TMEM214: variants seen among roughly 807,000 people sequenced by gnomAD.
The protein encoded by TMEM214 is transmembrane protein 214.
A neutral mutation model predicts 89.8 loss-of-function variants in TMEM214; 71 were observed. The ratio of observed to expected loss-of-function variants is 0.79; its 90% CI spans 0.65 to 0.96. The LOEUF (loss-of-function observed/expected upper bound fraction) is 0.96, where lower values mean the gene tolerates loss of function less well. Among genes scored for constraint, TMEM214 ranks in the 40% least tolerant of loss-of-function variants. The probability of loss-of-function intolerance (pLI) is 0.00; values close to 1 mark genes in which losing one functional copy is unlikely to be tolerated. For synonymous variants in TMEM214, 332 were observed against 349.5 expected (o/e 0.95, Z 0.56); for missense variants, 754 against 843.4 (o/e 0.89, Z 1.31).
chr2:27,033,106 G>A lies in TMEM214; in HGVS notation c.91G>A (p.Gly31Ser), dbSNP rs368291134. The A allele has an allele frequency of 4.4e-4, 554 of 1,248,390 alleles. 4 individuals are homozygous for A. In the African/African-American group the frequency reaches 7.9e-3, roughly 18 times the overall value. The allele number at this position is 1,248,390 out of a possible 1,614,324, so 77.3% of individuals were successfully genotyped here. ...CGGCGCCGGCGCCGGCGGCCGAGGA[G>A]GCGGCAGGAACCGCAGGGCGCTCGG... ...GVGAGAGGRG[G>S]GRNRRALGEA... The change falls in exon 1 of 17, where the codon GGC becomes AGC. Residue 31 changes from glycine to serine, a missense_variant. Gly to Ser is a moderately conservative substitution (Grantham distance 56, BLOSUM62 0). Coordinates refer to ENST00000238788, the MANE Select transcript of TMEM214 (RefSeq NM_017727.5).
chr2:27,035,206 G>A lies in TMEM214; in HGVS notation c.423G>A (p.Trp141Ter). The A allele has an allele frequency of 1.2e-6, 2 of 1,614,176 alleles. No homozygotes were observed. The highest frequency in any genetic ancestry group is 1.1e-5 in the South Asian group (1 of 91,076). The change falls in exon 3 of 17, where the codon TGG (tryptophan) becomes TGA (stop). Residue 141 changes from tryptophan (W) to a stop codon, truncating the protein, a stop_gained. Coordinates refer to ENST00000238788, the MANE Select transcript of TMEM214 (RefSeq NM_017727.5). LOFTEE classifies it high-confidence loss of function. ...TGTTCTCTGGAAACCCATCCATATG[G>A]TTGAAGGACCTGGCCAGCTATCTCA... ...QSVFSGNPSI[W>*]LKDLASYLNY...
rs1463048972 is a variant in TMEM214, at chr2:27,037,499, A to G, written c.1011-62A>G. The G allele has an allele frequency of 1.9e-6, 3 of 1,604,212 alleles. No individual in the cohort carries two copies. The Admixed American group carries it at 5.0e-5, about 27-fold the overall frequency. ...AGGCATGGGCTCTGAAGCAAGCAAA[A>G]GGTTCATATCATACAGCTCCACTTA... On this transcript the variant is annotated intron_variant, in intron 8 of 16. Coordinates refer to ENST00000238788, the MANE Select transcript of TMEM214 (RefSeq NM_017727.5).
intron 1 of TMEM214, 36 bp from the exon 2 acceptor site, chr2:27,034,031 G>A (rs1667442405): frequency 6.2e-7 from 1 of 1,611,390 alleles, no homozygotes. Context: ...GGGGACTCAA[G>A]GGTGGCCTGC....
At chr2:27,036,877 G>A (rs779374746) in intron 7 of TMEM214, 91 bp downstream of exon 7, 14 of 1,369,402 alleles carry the variant, frequency 1.0e-5, no homozygotes, top group Non-Finnish European at 1.5e-5. Flanking sequence ...GGTCTCCATG[G>A]ATATGAGGAA....
rs973310989 is a variant in TMEM214, at chr2:27,040,696, C to G, written c.1944-15C>G. On this transcript the variant is annotated splice_polypyrimidine_tract_variant and intron_variant, in intron 16 of 16. Coordinates refer to ENST00000238788, the MANE Select transcript of TMEM214 (RefSeq NM_017727.5). ...ACTCACGTGCATACTCAAAAATGTT[C>G]CACTTTCCTTCCAGAGGTGAGGTGA... The G allele has an allele frequency of 6.8e-6, 11 of 1,613,060 alleles. No individual in the cohort carries two copies. The highest frequency in any genetic ancestry group is 8.5e-6 in the Non-Finnish European group (10 of 1,179,748).
chr2:27,035,972 G>T lies in TMEM214; in HGVS notation c.640G>T (p.Glu214Ter), dbSNP rs367766864. ...TGTGAGAATGTGTATCTCTCCAGGG[G>T]AGTCACTACATGGTTACCGCATCTG... is the stretch of plus-strand genomic sequence containing the variant. ...MLQELDKTPG[E>*]SLHGYRICIQ... is the part of the protein sequence containing the mutation. The change falls in exon 5 of 17, where the codon GAG (glutamate) becomes TAG (stop). Residue 214 changes from glutamate (E) to a stop codon, truncating the protein, a stop_gained and splice_region_variant. Transcript: ENST00000238788. LOFTEE classifies it high-confidence loss of function. 3 of 1,614,122 alleles carry T rather than the reference G, an allele frequency of 1.9e-6. No homozygotes were observed. The highest frequency in any genetic ancestry group is 1.7e-6 in the Non-Finnish European group (2 of 1,180,002).
chr2:27,041,119 C>A lies in TMEM214; in HGVS notation c.*282C>A. 2.6e-6 allele frequency: 1 copy of A among 379,452 alleles called. No homozygotes were observed. Among genetic ancestry groups the A allele is most frequent in the African/African-American group, 2.0e-5 (1 of 49,594 alleles). The allele number at this position is 379,452 out of a possible 1,614,324, so 23.5% of individuals were successfully genotyped here. On this transcript the variant is annotated 3_prime_UTR_variant, in exon 17 of 17. Transcript: ENST00000238788. ...GCTGGTAGCCTCTCACAACTCCGCC[C>A]TTGCCCTCTGCCTTCCACTTCCTTC...
Position 27,039,754 on chromosome 2 carries a change from CCGGTTGCTT to C in TMEM214, c.1542_1550del (p.Leu515_Arg517del). On this transcript the variant is annotated inframe_deletion, in exon 14 of 17. Transcript: ENST00000238788. ...CCCTTTACTTAGCCTCCCTTACTGG[CCGGTTGCTT>C]CGATCATCTGGCTTCTTACCTGCTA... is the stretch of plus-strand genomic sequence containing the variant. The C allele has an allele frequency of 6.2e-7, 1 of 1,614,198 alleles. No individual in the cohort carries two copies. The highest frequency in any genetic ancestry group is 8.5e-7 in the Non-Finnish European group (1 of 1,180,018).
chr2:27,040,174 CAG>C lies in TMEM214; in HGVS notation c.1768_1769del (p.Leu591HisfsTer43). The part of the protein sequence containing the change: ...CASHLAWFGD[S>X]LTSLSQRLQI... Reference sequence around the variant, plus strand: ...CCTCTCACCTTGCGTGGTTTGGTGACAGTCTCACCAGTCTCTCTCAGAGGGTA... The same window carrying C: ...CCTCTCACCTTGCGTGGTTTGGTGACTCTCACCAGTCTCTCTCAGAGGGTA... On this transcript the variant is annotated frameshift_variant, in exon 15 of 17. Coordinates refer to ENST00000238788, the MANE Select transcript of TMEM214 (RefSeq NM_017727.5). LOFTEE classifies it high-confidence loss of function. 6.2e-7 allele frequency: 1 copy of C among 1,605,900 alleles called. No individual in the cohort carries two copies. The highest frequency in any genetic ancestry group is 8.5e-7 in the Non-Finnish European group (1 of 1,179,982).
chr2:27,041,088 C>A lies in TMEM214; in HGVS notation c.*251C>A, dbSNP rs1416266509. ...ACTGCACATGGCCCCCAGCCTCCAT[C>A]CTTGTGCTGGTAGCCTCTCACAACT... On this transcript the variant is annotated 3_prime_UTR_variant, in exon 17 of 17. Transcript: ENST00000238788. 1.1e-5 allele frequency: 5 copies of A among 464,028 alleles called. No homozygotes were observed. The highest frequency in any genetic ancestry group is 1.9e-5 in the African/African-American group (1 of 51,512). The allele number at this position is 464,028 out of a possible 1,614,324, so 28.7% of individuals were successfully genotyped here. A position where few individuals can be genotyped will look rare whatever the true frequency, so the allele number is the denominator to read the frequency against.
intron 13 of TMEM214, 66 bp downstream of exon 13, chr2:27,039,230 C>T (rs1667710787): frequency 1.5e-6 from 2 of 1,325,746 alleles, no homozygotes; most frequent in Non-Finnish European, 2.1e-6. Flanking sequence ...GTAGCACCAC[C>T]ACCCCGCCCC....
rs1417400731 is a variant in TMEM214 at position 27,038,176 on chromosome 2, G to A, written c.1183G>A (p.Val395Met). The A allele has an allele frequency of 6.2e-7, 1 of 1,614,174 alleles. No individual in the cohort carries two copies. The part of the protein sequence containing the change: ...LLSSLTECLT[V>M]DPLSASVWRQ... ...GAGCAGCCTGACTGAGTGCCTGACGGTGGACCCCCTCAGTGCCAGCGTCTG... is the reference window on the plus strand; with the variant it reads ...GAGCAGCCTGACTGAGTGCCTGACGATGGACCCCCTCAGTGCCAGCGTCTG... Residue 395 changes from valine (V) to methionine (M), a missense_variant, in exon 10 of 17, where the codon GTG becomes ATG. Transcript: ENST00000238788. This position sits in a 1 kb window ranked among gnomAD's most constrained non-coding sequence, Gnocchi z 4.4.
intron 5 of TMEM214, 100 bp downstream of exon 5, chr2:27,036,152 G>C: frequency 9.6e-7 from 1 of 1,044,076 alleles, no homozygotes. Context: ...TGGAAGACCT[G>C]TAAGCCTAGT....
intron 3 of TMEM214, 101 bp from the exon 4 acceptor site, chr2:27,035,493 G>A (rs1667515259): frequency 2.6e-6 from 4 of 1,534,062 alleles, no homozygotes; most frequent in Non-Finnish European, 3.5e-6. Flanking sequence ...CTCAGTGCAG[G>A]GGCCTTTGCC....
Position 27,039,785 on chromosome 2 carries a change from G to T in TMEM214, c.1570G>T (p.Ala524Ser), listed in dbSNP as rs1241769447. 6 of 1,614,064 alleles carry T rather than the reference G, an allele frequency of 3.7e-6. No homozygotes were observed. The highest frequency in any genetic ancestry group is 5.1e-6 in the Non-Finnish European group (6 of 1,180,048). Residue 524 changes from alanine to serine, a missense_variant, in exon 14 of 17, where the codon GCT becomes TCT. Transcript: ENST00000238788. The stretch of plus-strand genomic sequence containing the variant: ...GCTTCGATCATCTGGCTTCTTACCT[G>T]CTAGCCAACAAGCGTGTGCCAAGCT... ...RLLRSSGFLPASQQACAKLYS... is the reference protein window; with the variant it reads ...RLLRSSGFLPSSQQACAKLYS...
At chr2:27,033,201 G>A (rs1385491656) in intron 1 of TMEM214, 35 bp downstream of exon 1, 4 of 1,245,978 alleles carry the variant, frequency 3.2e-6, no homozygotes, top group Non-Finnish European at 4.1e-6. Flanking sequence ...CCTACCCCAG[G>A]CCTGTCCGGC....
chr2:27,033,313 C>G (rs1667411958), intron 1 of TMEM214, 147 bp downstream of exon 1: 1 of 810,732 alleles, frequency 1.2e-6, no homozygotes, highest in Non-Finnish European at 1.7e-6. Flanking sequence ...GGGAGGCAGA[C>G]AGCTCCAGGG....
chr2:27,034,579 C>T, intron 2 of TMEM214: 4 of 279,586 alleles, frequency 1.4e-5, no homozygotes, highest in South Asian at 9.8e-5. Flanking sequence ...CTTTCATTTT[C>T]TGTCTTGTCC....
Position 27,039,883 on chromosome 2 carries a change from G to T in TMEM214, c.1622+46G>T, listed in dbSNP as rs550087712. The T allele has an allele frequency of 4.2e-5, 64 of 1,529,880 alleles. No individual in the cohort carries two copies. The South Asian group carries it at 6.0e-4, about 14-fold the overall frequency. The allele number at this position is 1,529,880 out of a possible 1,614,324, so 94.8% of individuals were successfully genotyped here. A position where few individuals can be genotyped will look rare whatever the true frequency, so the allele number is the denominator to read the frequency against. On this transcript the variant is annotated intron_variant, in intron 14 of 16. Transcript: ENST00000238788. Reference sequence around the variant, plus strand: ...GGAGAGGAGAGGCAGAAGAGAGAAGGCCTGGGTGTCAGGGAGGAGGCGACA... The same window carrying T: ...GGAGAGGAGAGGCAGAAGAGAGAAGTCCTGGGTGTCAGGGAGGAGGCGACA...
Sources: allele counts gnomAD v4.1 joint callset, GRCh38; gene constraint gnomAD v4.1.1; non-coding constraint Gnocchi (gnomAD v3.1); transcripts MANE v1.5; gene names NCBI Gene and HGNC (gene_info 2026-07-23, HGNC 2026-07-21).